GALNT7: variants seen among roughly 807,000 people sequenced by gnomAD.
The protein encoded by GALNT7 is polypeptide N-acetylgalactosaminyltransferase 7.
In GALNT7, 60 loss-of-function variants were observed where a neutral mutation model predicts 82.1. The observed-to-expected ratio is 0.73, with a 90% confidence interval of 0.59 to 0.91. GALNT7 has a LOEUF of 0.91. GALNT7 is among the 40% of genes least tolerant of loss of function. The pLI, the probability that GALNT7 is intolerant of heterozygous loss-of-function variation, is 0.00. For synonymous variants in GALNT7, 243 were observed against 275.1 expected (o/e 0.88, Z 1.15); for missense variants, 660 against 804.2 (o/e 0.82, Z 2.17).
chr4:173,239,437 T>G (rs1734345210), intron 1 of GALNT7, among the ~76,000 whole-genome samples: 1 of 152,192 alleles, frequency 6.6e-6, no homozygotes, highest in South Asian at 2.1e-4. Flanking sequence ...ATACACAGTA[T>G]CTGTCCTCAA....
intron 2 of GALNT7, among the ~76,000 whole-genome samples, chr4:173,263,996 C>A (rs1232618861): frequency 6.6e-6 from 1 of 152,076 alleles, no homozygotes; most frequent in East Asian, 1.9e-4. Flanking sequence ...AAAGCCTTCC[C>A]CCTTTAGCAA....
chr4:173,293,905 G>A (rs1033033817), intron 3 of GALNT7, among the ~76,000 whole-genome samples: 9 of 152,192 alleles, frequency 5.9e-5, no homozygotes, highest in African/African-American at 1.9e-4. Context: ...GCTTCTATGC[G>A]TGTGACTGAT....
chr4:173,174,760 T>A (rs1228990606), intron 1 of GALNT7, among the ~76,000 whole-genome samples: 2 of 152,184 alleles, frequency 1.3e-5, no homozygotes, highest in Non-Finnish European at 2.9e-5. Flanking sequence ...ACAAGAACTG[T>A]CACAAGGATA....
chr4:173,283,262 A>G (rs565096473), intron 2 of GALNT7, among the ~76,000 whole-genome samples: 30 of 152,344 alleles, frequency 2.0e-4, no homozygotes, highest in Non-Finnish European at 3.4e-4. Flanking sequence ...GATTATTTAC[A>G]TAAGTGCAGC....
At chr4:173,183,894 C>T (rs535965971) in intron 1 of GALNT7, among the ~76,000 whole-genome samples, 5 of 150,830 alleles carry the variant, frequency 3.3e-5, no homozygotes, top group South Asian at 2.1e-4. Context: ...GGGCGGCTGC[C>T]GGGTGGAGGG....
At chr4:173,305,546 C>T (rs753181823) in intron 8 of GALNT7, among the ~76,000 whole-genome samples, 14 of 152,046 alleles carry the variant, frequency 9.2e-5, no homozygotes, top group South Asian at 2.1e-4. Context: ...TAGGACTTCA[C>T]GTAAGTTTTT....
At chr4:173,254,723 A>G (rs1734967105) in intron 2 of GALNT7, among the ~76,000 whole-genome samples, 1 of 152,194 alleles carries the variant, frequency 6.6e-6, no homozygotes. Context: ...CCTTTTTTAC[A>G]TAGATTGCCC....
chr4:173,220,008 G>A (rs1309763001), intron 1 of GALNT7, among the ~76,000 whole-genome samples: 1 of 152,040 alleles, frequency 6.6e-6, no homozygotes, highest in African/African-American at 2.4e-5. Flanking sequence ...TAAGTCCTGT[G>A]TATTTATCTT....
At chr4:173,176,698 T>G (rs899535569) in intron 1 of GALNT7, among the ~76,000 whole-genome samples, 1 of 152,040 alleles carries the variant, frequency 6.6e-6, no homozygotes, top group Non-Finnish European at 1.5e-5. Context: ...AAAGAGATGC[T>G]GGAGAGATGA....
In GALNT7 at chr4:173,313,945, T is replaced by TA; in HGVS notation, c.1390-13_1390-12insA. 3.6e-6 allele frequency: 4 copies of TA among 1,121,454 alleles called. No individual in the cohort carries two copies. The highest frequency in any genetic ancestry group is 3.9e-6 in the Non-Finnish European group (3 of 774,190). The allele number at this position is 1,121,454 out of a possible 1,614,324, so 69.5% of individuals were successfully genotyped here. A position where few individuals can be genotyped will look rare whatever the true frequency, so the allele number is the denominator to read the frequency against. On this transcript the variant is annotated splice_polypyrimidine_tract_variant and intron_variant, in intron 8 of 11. Coordinates refer to ENST00000265000, the MANE Select transcript of GALNT7 (RefSeq NM_017423.3). ...TTTATAACGATATATATATATATAT[T>TA]TTTTTTTTACAGAATTATGTTAGAG...
chr4:173,203,371 G>A (rs189423785), intron 1 of GALNT7, among the ~76,000 whole-genome samples: 226 of 152,318 alleles, frequency 1.5e-3, no homozygotes, highest in African/African-American at 5.2e-3. Flanking sequence ...GATTACAGGC[G>A]TGAGCCACCG....
intron 6 of GALNT7, among the ~76,000 whole-genome samples, chr4:173,301,134 C>CAA (rs950601155): frequency 2.2e-5 from 3 of 138,476 alleles, no homozygotes; most frequent in South Asian, 2.3e-4. Context: ...GACTATGTCT[C>CAA]AAAAAAAAAA....
chr4:173,241,322 A>T (rs1222915519), intron 1 of GALNT7, among the ~76,000 whole-genome samples: 1 of 152,224 alleles, frequency 6.6e-6, no homozygotes, highest in African/African-American at 2.4e-5. Flanking sequence ...TCACGAAATT[A>T]TACTAATGAT....
intron 1 of GALNT7, among the ~76,000 whole-genome samples, chr4:173,241,940 G>C (rs1195892818): frequency 6.6e-6 from 1 of 152,132 alleles, no homozygotes. Context: ...GAAGTCTTGA[G>C]ATAAAAATAA....
chr4:173,234,287 C>T (rs767498877), intron 1 of GALNT7, among the ~76,000 whole-genome samples: 84 of 152,216 alleles, frequency 5.5e-4, no homozygotes, highest in Non-Finnish European at 7.2e-4. Flanking sequence ...CTCCATCACT[C>T]GTCTTATTGG....
At chr4:173,312,259 A>G (rs1737413019) in intron 8 of GALNT7, among the ~76,000 whole-genome samples, 1 of 152,244 alleles carries the variant, frequency 6.6e-6, no homozygotes, top group South Asian at 2.1e-4. Context: ...TATCAAGAAA[A>G]GAGGTTTATT....
intron 2 of GALNT7, among the ~76,000 whole-genome samples, chr4:173,268,530 GTTTTTTTTTTTT>G (rs60894562): frequency 1.5e-4 from 8 of 52,366 alleles, no homozygotes; most frequent in Admixed American, 3.5e-4. Context: ...TTTCTCTCTC[GTTTTTTTTTTTT>G]TTTTTTTTTT....
At chr4:173,236,272 A>G (rs1310253187) in intron 1 of GALNT7, among the ~76,000 whole-genome samples, 1 of 152,140 alleles carries the variant, frequency 6.6e-6, no homozygotes, top group Non-Finnish European at 1.5e-5. Flanking sequence ...CAGCACTGCC[A>G]TTACCATACT....
intron 1 of GALNT7, among the ~76,000 whole-genome samples, chr4:173,233,107 C>T (rs943457383): frequency 2.6e-5 from 4 of 152,208 alleles, no homozygotes; most frequent in African/African-American, 9.7e-5. Flanking sequence ...TGTGTGTATA[C>T]ATACCACATT....
Sources: allele counts gnomAD v4.1 joint callset (sites outside exome capture counted in the v4.1 genomes callset), GRCh38; gene constraint gnomAD v4.1.1; transcripts MANE v1.5; gene names NCBI Gene and HGNC (gene_info 2026-07-23, HGNC 2026-07-21).